ME1: variants seen among roughly 807,000 people sequenced by gnomAD.
The protein encoded by ME1 is NADP-dependent malic enzyme.
In ME1, 74 loss-of-function variants were observed where a neutral mutation model predicts 66.4. The ratio of observed to expected loss-of-function variants is 1.11; its 90% CI spans 0.92 to 1.35. The LOEUF is 1.35. Ranked by LOEUF, ME1 falls within the 40% of genes most tolerant of loss-of-function variation. The pLI is 0.00. For synonymous variants in ME1, 251 were observed against 235.6 expected (o/e 1.07, Z -0.60); for missense variants, 750 against 694.1 (o/e 1.08, Z -0.90).
chr6:83,328,346 T>C (rs1481983428), intron 5 of ME1, among the ~76,000 whole-genome samples: 1 of 152,094 alleles, frequency 6.6e-6, no homozygotes. Context: ...GGGATAGCAT[T>C]AGGAAATACC....
intron 6 of ME1, among the ~76,000 whole-genome samples, chr6:83,307,991 T>C (rs1028601325): frequency 6.6e-6 from 1 of 152,142 alleles, no homozygotes; most frequent in Non-Finnish European, 1.5e-5. Flanking sequence ...CTCTGACTAG[T>C]CTGGTCTGTT....
intron 5 of ME1, among the ~76,000 whole-genome samples, chr6:83,340,096 C>T (rs1291512586): frequency 6.6e-6 from 1 of 151,940 alleles, no homozygotes; most frequent in Non-Finnish European, 1.5e-5. Context: ...CATAGAAAAG[C>T]TATTAAGTTT....
intron 3 of ME1, among the ~76,000 whole-genome samples, chr6:83,382,986 A>T (rs568492840): frequency 6.6e-6 from 1 of 152,016 alleles, no homozygotes; most frequent in South Asian, 2.1e-4. Flanking sequence ...TCATCCAGTC[A>T]GCTGAAATCT....
chr6:83,266,821 A>G (rs909339004), intron 6 of ME1, among the ~76,000 whole-genome samples: 4 of 152,206 alleles, frequency 2.6e-5, no homozygotes, highest in Non-Finnish European at 5.9e-5. Context: ...TAAAATTAGA[A>G]TTCTACTGGC....
rs1033524147 is a variant in ME1, at chr6:83,379,945, A to G, written c.362+18422T>C. Among the ~76,000 whole-genome samples, 33 of 152,170 alleles carry G rather than the reference A, an allele frequency of 2.2e-4. 1 individual carries two copies. The highest frequency in any genetic ancestry group is 7.0e-4 in the African/African-American group (29 of 41,458). ...AAAGTAACAATACTCATTTTACAGA[A>G]GAGGAAACTAAAGTTCAGATGAGAC... On this transcript the variant is annotated intron_variant, in intron 3 of 13. Transcript: ENST00000369705.
chr6:83,302,290 G>A (rs550915785), intron 6 of ME1, among the ~76,000 whole-genome samples: 100 of 152,076 alleles, frequency 6.6e-4, no homozygotes, highest in Non-Finnish European at 7.8e-4. Flanking sequence ...AACAGACACT[G>A]CAGCTTACTT....
intron 11 of ME1, among the ~76,000 whole-genome samples, chr6:83,225,880 T>C (rs1304388838): frequency 6.7e-6 from 1 of 149,958 alleles, no homozygotes; most frequent in Non-Finnish European, 1.5e-5. Flanking sequence ...CTTTCTATAA[T>C]CACCATATTT....
intron 7 of ME1, among the ~76,000 whole-genome samples, chr6:83,244,304 G>A (rs1360667802): frequency 6.6e-6 from 1 of 152,036 alleles, no homozygotes; most frequent in East Asian, 1.9e-4. Context: ...TGCATGCCCA[G>A]CCTTCTAAAA....
chr6:83,429,690 C>T (rs1397334412), intron 1 of ME1, among the ~76,000 whole-genome samples: 1 of 142,066 alleles, frequency 7.0e-6, no homozygotes, highest in Non-Finnish European at 1.6e-5. Context: ...GTGCCTGTCA[C>T]CACACACACA....
intron 6 of ME1, among the ~76,000 whole-genome samples, chr6:83,288,429 T>G (rs917641759): frequency 5.9e-5 from 9 of 152,122 alleles, no homozygotes; most frequent in African/African-American, 2.2e-4. Context: ...CCCTATTGCT[T>G]GTGTGTGTCA....
At chr6:83,412,352 T>A (rs1770066742) in intron 1 of ME1, among the ~76,000 whole-genome samples, 2 of 152,218 alleles carry the variant, frequency 1.3e-5, no homozygotes, top group Non-Finnish European at 2.9e-5. Flanking sequence ...GAGGCTATGA[T>A]TATATTACGG....
At chr6:83,282,549 A>C (rs937399728) in intron 6 of ME1, among the ~76,000 whole-genome samples, 2 of 152,208 alleles carry the variant, frequency 1.3e-5, no homozygotes, top group African/African-American at 4.8e-5. Flanking sequence ...GCAAATCAAA[A>C]CCACAATGAG....
In ME1 at chr6:83,287,564, T is replaced by C. The variant is rs370937731; in HGVS notation, c.704+27746A>G. On this transcript the variant is annotated intron_variant, in intron 6 of 13. Transcript: ENST00000369705. Reference sequence around the variant, plus strand: ...AATCCAGTCTATCATTGATGGACATTTGGGTTGGTTCCAAGTCTTTGCCAT... The same window carrying C: ...AATCCAGTCTATCATTGATGGACATCTGGGTTGGTTCCAAGTCTTTGCCAT... Among the ~76,000 whole-genome samples the C allele has an allele frequency of 3.4e-3, 519 of 152,334 alleles. 5 individuals are homozygous for C. Among genetic ancestry groups the C allele is most frequent in the South Asian group, 0.018 (89 of 4,820 alleles).
chr6:83,269,477 T>G (rs1767048824), intron 6 of ME1, among the ~76,000 whole-genome samples: 1 of 152,172 alleles, frequency 6.6e-6, no homozygotes, highest in South Asian at 2.1e-4. Flanking sequence ...GGAGGTATTA[T>G]GAAGTAGTTA....
chr6:83,393,227 C>A (rs972507857), intron 3 of ME1: 14 of 1,124,498 alleles, frequency 1.2e-5, no homozygotes, highest in Non-Finnish European at 1.6e-5. Context: ...GCATCCTGGG[C>A]TACTCTGAGC....
At chr6:83,347,261 GT>G (rs1389278374) in intron 4 of ME1, among the ~76,000 whole-genome samples, 1 of 152,134 alleles carries the variant, frequency 6.6e-6, no homozygotes, top group South Asian at 2.1e-4. Context: ...AGCCTGTTTA[GT>G]TTATTTCTAA....
intron 3 of ME1, among the ~76,000 whole-genome samples, chr6:83,355,880 C>T (rs1768878988): frequency 6.6e-6 from 1 of 152,040 alleles, no homozygotes; most frequent in Non-Finnish European, 1.5e-5. Context: ...CCCTGTTATT[C>T]TTGATCAATT....
intron 3 of ME1, among the ~76,000 whole-genome samples, chr6:83,363,388 A>T (rs1769042293): frequency 6.6e-6 from 1 of 152,204 alleles, no homozygotes; most frequent in Non-Finnish European, 1.5e-5. Flanking sequence ...TCAAGATGAA[A>T]TCAGTTTACT....
chr6:83,297,808 C>T (rs1767630601), intron 6 of ME1, among the ~76,000 whole-genome samples: 1 of 152,090 alleles, frequency 6.6e-6, no homozygotes, highest in South Asian at 2.1e-4. Flanking sequence ...TCTCATTGTT[C>T]ACCTCCCACT....
Sources: allele counts gnomAD v4.1 joint callset (sites outside exome capture counted in the v4.1 genomes callset), GRCh38; gene constraint gnomAD v4.1.1; transcripts MANE v1.5; gene names NCBI Gene and HGNC (gene_info 2026-07-23, HGNC 2026-07-21).